SH2D4A: variants seen among roughly 807,000 people sequenced by gnomAD.
SH2D4A encodes the protein SH2 domain containing 4A.
In SH2D4A, 70 loss-of-function variants were observed where a neutral mutation model predicts 64.7. The ratio of observed to expected loss-of-function variants is 1.08; its 90% CI spans 0.89 to 1.32. The LOEUF (loss-of-function observed/expected upper bound fraction) is 1.32, where lower values mean the gene tolerates loss of function less well. Among genes scored for constraint, SH2D4A ranks in the 40% most tolerant of loss-of-function variants. The pLI, the probability that SH2D4A is intolerant of heterozygous loss-of-function variation, is 0.00. For synonymous variants in SH2D4A, 268 were observed against 200.7 expected, an observed-to-expected ratio of 1.34 and a Z score of -2.83; for missense variants, 706 against 540.1, an observed-to-expected ratio of 1.31 and a Z score of -3.04.
intron 8 of SH2D4A, among the ~76,000 whole-genome samples, chr8:19,381,451 T>G (rs1187304721): frequency 6.6e-6 from 1 of 152,236 alleles, no homozygotes; most frequent in Admixed American, 6.5e-5. Flanking sequence ...ATTTGTAATT[T>G]CCTTCTCAGA....
intron 2 of SH2D4A, among the ~76,000 whole-genome samples, chr8:19,332,363 C>T (rs927443008): frequency 2.6e-5 from 4 of 152,136 alleles, no homozygotes; most frequent in Non-Finnish European, 4.4e-5. Flanking sequence ...CAGCCAGGCG[C>T]AGTGACTCAC....
At chr8:19,364,426 A>G in intron 7 of SH2D4A, 144 bp downstream of exon 7, 1 of 863,014 alleles carries the variant, frequency 1.2e-6, no homozygotes, top group African/African-American at 1.7e-5. Flanking sequence ...GTTCATGTCT[A>G]AGCCTTCTTC....
In SH2D4A at chr8:19,394,580, C is replaced by T. The variant is rs1440631846; in HGVS notation, c.1303C>T (p.Leu435Phe). ...EEPITSLGKE[L>F]LLYPCGQQDQ... is the part of the protein sequence containing the mutation. ...ACCCATCACTTCCCTGGGGAAGGAG[C>T]TCCTTCTCTATCCCTGTGGTCAGCA... The change falls in exon 10 of 10, where the codon CTC becomes TTC. Residue 435 changes from leucine (L) to phenylalanine (F), a missense_variant. Leu to Phe is a conservative substitution (Grantham distance 22, BLOSUM62 0). Transcript: ENST00000265807. The T allele has an allele frequency of 6.2e-7, 1 of 1,607,822 alleles. No individual in the cohort carries two copies. The highest frequency in any genetic ancestry group is 1.3e-5 in the African/African-American group (1 of 74,760).
At chr8:19,393,910 G>T (rs1329144558) in intron 9 of SH2D4A, among the ~76,000 whole-genome samples, 1 of 152,174 alleles carries the variant, frequency 6.6e-6, no homozygotes, top group Non-Finnish European at 1.5e-5. Context: ...GTTTCAGGAT[G>T]ATTTAAGCAC....
intron 2 of SH2D4A, among the ~76,000 whole-genome samples, chr8:19,329,213 C>G (rs2052332429): frequency 6.6e-6 from 1 of 152,218 alleles, no homozygotes; most frequent in South Asian, 2.1e-4. Flanking sequence ...GTACAAAGAA[C>G]TTGTCGTATT....
chr8:19,388,666 C>T (rs1488762271), intron 8 of SH2D4A, among the ~76,000 whole-genome samples: 1 of 152,138 alleles, frequency 6.6e-6, no homozygotes, highest in Non-Finnish European at 1.5e-5. Flanking sequence ...AATATTAGAC[C>T]TCGTGGCACT....
Position 19,319,604 on chromosome 8 carries a change from C to T in SH2D4A, c.57C>T (p.Leu19=), listed in dbSNP as rs1408040228. Residue 19 remains leucine, a synonymous_variant, in exon 2 of 10, where the codon CTC becomes CTT. Transcript: ENST00000265807. ...MYIDPDLLAE[L]SEEQKQILFF... is the part of the protein sequence containing the mutation. ...TAGATCCTGATCTACTGGCAGAGCTCAGCGAAGAACAGAAACAGATCCTGT... is the reference window on the plus strand; with the variant it reads ...TAGATCCTGATCTACTGGCAGAGCTTAGCGAAGAACAGAAACAGATCCTGT... The T allele has an allele frequency of 6.2e-7, 1 of 1,606,522 alleles. No individual in the cohort carries two copies. Among genetic ancestry groups the T allele is most frequent in the South Asian group, 1.1e-5 (1 of 89,276 alleles).
chr8:19,363,950 A>G (rs1293793831), intron 6 of SH2D4A, 122 bp from the exon 7 acceptor site: 3 of 851,544 alleles, frequency 3.5e-6, no homozygotes, highest in African/African-American at 3.4e-5. Context: ...ATTGTTCCTT[A>G]TTATAAGCAG....
chr8:19,325,479 C>G (rs184730482), intron 2 of SH2D4A, among the ~76,000 whole-genome samples: 139 of 152,256 alleles, frequency 9.1e-4, no homozygotes, highest in African/African-American at 3.2e-3. Context: ...GAACTACTGG[C>G]CCTGAGCCCC....
chr8:19,395,223 A>ACCT lies in SH2D4A; in HGVS notation c.*582_*584dup, dbSNP rs1256642714. 2 of 152,206 alleles carry ACCT rather than the reference A, an allele frequency of 1.3e-5. No homozygotes were observed. The highest frequency in any genetic ancestry group is 4.8e-5 in the African/African-American group (2 of 41,452). 9.4% of individuals were successfully genotyped at this position (152,206 alleles called of 1,614,324 possible). ...TTAACATGCATGAAAATACAGATGG[A>ACCT]CCTGCAGGAAAGTGAGCAAACATCG... On this transcript the variant is annotated 3_prime_UTR_variant, in exon 10 of 10. Coordinates refer to ENST00000265807, the MANE Select transcript of SH2D4A (RefSeq NM_022071.4).
At chr8:19,374,145 C>T (rs1316949426) in intron 8 of SH2D4A, among the ~76,000 whole-genome samples, 1 of 152,180 alleles carries the variant, frequency 6.6e-6, no homozygotes, top group African/African-American at 2.4e-5. Flanking sequence ...ACTTTGTGGT[C>T]TTGGAAGTGA....
chr8:19,326,931 C>T (rs2052290846), intron 2 of SH2D4A, among the ~76,000 whole-genome samples: 2 of 152,194 alleles, frequency 1.3e-5, no homozygotes, highest in East Asian at 3.8e-4. Flanking sequence ...GGAATAAATC[C>T]AACTCAACAG....
intron 8 of SH2D4A, among the ~76,000 whole-genome samples, chr8:19,382,138 C>G (rs1010117794): frequency 6.6e-6 from 1 of 152,096 alleles, no homozygotes; most frequent in African/African-American, 2.4e-5. Context: ...TGCATCCTTT[C>G]ATTTCACCAT....
At chr8:19,364,558 T>G (rs1037821267) in intron 7 of SH2D4A, among the ~76,000 whole-genome samples, 3 of 152,026 alleles carry the variant, frequency 2.0e-5, no homozygotes, top group Admixed American at 2.0e-4. Context: ...CCCGTGTCCC[T>G]ACCCCACTCT....
intron 1 of SH2D4A, among the ~76,000 whole-genome samples, chr8:19,315,987 C>T (rs954685992): frequency 6.6e-6 from 1 of 152,128 alleles, no homozygotes; most frequent in African/African-American, 2.4e-5. Flanking sequence ...AGAGTCACAC[C>T]GCTCACTAGA....
At chr8:19,359,179 A>G (rs1363537427) in intron 5 of SH2D4A, among the ~76,000 whole-genome samples, 2 of 152,086 alleles carry the variant, frequency 1.3e-5, no homozygotes, top group South Asian at 4.2e-4. Flanking sequence ...AGGGCCGTAT[A>G]TAGATGGGTA....
chr8:19,382,389 A>G (rs2053309284), intron 8 of SH2D4A, among the ~76,000 whole-genome samples: 1 of 152,138 alleles, frequency 6.6e-6, no homozygotes, highest in Admixed American at 6.6e-5. Context: ...CTACCTTATG[A>G]TGGTGTGAAC....
At chr8:19,391,415 G>A (rs1426710038) in intron 8 of SH2D4A, among the ~76,000 whole-genome samples, 1 of 152,124 alleles carries the variant, frequency 6.6e-6, no homozygotes, top group Non-Finnish European at 1.5e-5. Context: ...GGGAAGGGGT[G>A]GAAAAGCGAC....
intron 8 of SH2D4A, among the ~76,000 whole-genome samples, chr8:19,379,790 G>T (rs565861994): frequency 3.3e-5 from 5 of 152,168 alleles, no homozygotes; most frequent in African/African-American, 1.2e-4. Context: ...AGGCTGGAGC[G>T]CAGTGGCACA....
Sources: gnomAD v4.1 joint callset for allele counts (sites outside exome capture counted in the v4.1 genomes callset) on GRCh38, gnomAD v4.1.1 for gene constraint, MANE v1.5 for transcripts, NCBI Gene and HGNC (gene_info 2026-07-23, HGNC 2026-07-21) for gene names.